Variants in ZZZ3 observed in about 807,000 individuals in gnomAD.
ZZZ3 encodes the protein ZZ-type zinc finger-containing protein 3.
A neutral mutation model predicts 95.2 loss-of-function variants in ZZZ3; 22 were observed. The observed-to-expected ratio is 0.23, with a 90% CI of 0.17 to 0.33. The LOEUF (loss-of-function observed/expected upper bound fraction) is 0.33. ZZZ3 is among the 10% of genes least tolerant of loss of function. ZZZ3 has a pLI of 1.00. For synonymous variants in ZZZ3, 335 were observed against 358.9 expected (o/e 0.93, Z 0.75); for missense variants, 885 against 1,066.5 (o/e 0.83, Z 2.37).
chr1:77,664,068 T>G (rs1031519597), intron 1 of ZZZ3, among the ~76,000 whole-genome samples: 2 of 151,674 alleles, frequency 1.3e-5, no homozygotes, highest in Non-Finnish European at 2.9e-5. Context: ...CTACTTATTC[T>G]ATCACCAAAA....
intron 10 of ZZZ3, 42 bp from the exon 11 acceptor site, chr1:77,578,911 T>A: frequency 7.7e-7 from 1 of 1,299,058 alleles, no homozygotes. Flanking sequence ...TGAGATGACA[T>A]ACAATACCTG....
chr1:77,626,006 A>AT (rs1048451415), intron 5 of ZZZ3, among the ~76,000 whole-genome samples: 10 of 152,034 alleles, frequency 6.6e-5, no homozygotes, highest in African/African-American at 2.4e-4. Flanking sequence ...CAAAAAAAAA[A>AT]GAAAAAAAAG....
chr1:77,647,525 G>GAAAAAAA (rs1206025084), intron 1 of ZZZ3, among the ~76,000 whole-genome samples: 1 of 118,198 alleles, frequency 8.5e-6, no homozygotes, highest in African/African-American at 3.1e-5. Flanking sequence ...TCTCAGGAAG[G>GAAAAAAA]AAAAAAAAAA....
chr1:77,647,001 T>C (rs1669335771), intron 1 of ZZZ3, among the ~76,000 whole-genome samples: 3 of 152,118 alleles, frequency 2.0e-5, no homozygotes, highest in South Asian at 2.1e-4. Context: ...GAGCTGAGTA[T>C]TGATCAGTAA....
intron 5 of ZZZ3, among the ~76,000 whole-genome samples, chr1:77,587,411 C>T (rs1446552864): frequency 1.3e-5 from 2 of 151,850 alleles, no homozygotes; most frequent in Non-Finnish European, 1.5e-5. Context: ...ACTACAGGCA[C>T]CCGCCACCAC....
At chr1:77,644,756 T>A (rs1287712921) in intron 1 of ZZZ3, among the ~76,000 whole-genome samples, 2 of 152,174 alleles carry the variant, frequency 1.3e-5, no homozygotes, top group African/African-American at 4.8e-5. Flanking sequence ...GACTCCCAAA[T>A]TTTAGTGTGT....
chr1:77,631,553 A>AT (rs1291345948), intron 5 of ZZZ3, among the ~76,000 whole-genome samples: 7 of 152,160 alleles, frequency 4.6e-5, no homozygotes, highest in African/African-American at 1.7e-4. Flanking sequence ...CATTGTATAA[A>AT]TTAACTAAAA....
intron 1 of ZZZ3, among the ~76,000 whole-genome samples, chr1:77,679,804 A>G (rs1408454871): frequency 6.6e-6 from 1 of 152,230 alleles, no homozygotes; most frequent in African/African-American, 2.4e-5. Flanking sequence ...AACCAAACAC[A>G]AACCATGTAA....
intron 12 of ZZZ3, among the ~76,000 whole-genome samples, chr1:77,570,157 C>T (rs1363602871): frequency 2.0e-5 from 3 of 152,196 alleles, no homozygotes; most frequent in East Asian, 3.8e-4. Flanking sequence ...GGCTGGAGCG[C>T]AGTGGCGCGA....
At chr1:77,683,114 T>C (rs1348865514), upstream of ZZZ3, 2 of 133,230 alleles carry the variant, frequency 1.5e-5, no homozygotes, top group Non-Finnish European at 3.2e-5. Flanking sequence ...GTCGCAGCCG[T>C]CGCAGTCGTC....
At chr1:77,592,483 G>A (rs981204935) in intron 5 of ZZZ3, among the ~76,000 whole-genome samples, 1 of 152,062 alleles carries the variant, frequency 6.6e-6, no homozygotes, top group African/African-American at 2.4e-5. Flanking sequence ...TGTATTTTTA[G>A]TAGAGACGGG....
chr1:77,637,001 C>T (rs1234929235), intron 4 of ZZZ3, among the ~76,000 whole-genome samples: 1 of 152,158 alleles, frequency 6.6e-6, no homozygotes, highest in Non-Finnish European at 1.5e-5. Flanking sequence ...ACCTCAGGCT[C>T]TTGCAGCTCA....
chr1:77,665,756 T>C (rs1671187740), intron 1 of ZZZ3, among the ~76,000 whole-genome samples: 1 of 152,146 alleles, frequency 6.6e-6, no homozygotes, highest in African/African-American at 2.4e-5. Flanking sequence ...TTAAAGTATT[T>C]GGGAAGCCAG....
intron 1 of ZZZ3, among the ~76,000 whole-genome samples, chr1:77,673,783 A>G (rs1359249674): frequency 2.6e-5 from 4 of 152,200 alleles, no homozygotes; most frequent in African/African-American, 9.7e-5. Context: ...GTATTTTGAA[A>G]GTAAAGTGGC....
intron 5 of ZZZ3, among the ~76,000 whole-genome samples, chr1:77,605,369 C>T (rs1665132028): frequency 6.6e-6 from 1 of 152,208 alleles, no homozygotes; most frequent in South Asian, 2.1e-4. Context: ...GCAACCCTGG[C>T]CACCTGGACT....
chr1:77,596,371 G>T (rs1664215557), intron 5 of ZZZ3, among the ~76,000 whole-genome samples: 1 of 152,076 alleles, frequency 6.6e-6, no homozygotes, highest in Admixed American at 6.6e-5. Flanking sequence ...GTTGGAGGAG[G>T]ATTGCATACA....
intron 1 of ZZZ3, among the ~76,000 whole-genome samples, chr1:77,662,237 C>T (rs1046360442): frequency 6.6e-6 from 1 of 152,036 alleles, no homozygotes; most frequent in Non-Finnish European, 1.5e-5. Context: ...TGGTCTCAAA[C>T]TCCTGACCTC....
Position 77,565,706 on chromosome 1 carries a change from GTC to G in ZZZ3, c.2644_2645del (p.Asp882LeufsTer13). On this transcript the variant is annotated frameshift_variant, in exon 15 of 15. Coordinates refer to ENST00000370801, the MANE Select transcript of ZZZ3 (RefSeq NM_015534.6). LOFTEE classifies it high-confidence loss of function. ...AACTGGTGCCCTGAGACACACAGTA[GTC>G]TCTGTCTAAGAATGTCTCTGACCTA... is the stretch of plus-strand genomic sequence containing the variant. ...IYRSETFLDR[D>X]YCVSQGTSYN... 1.2e-6 allele frequency: 2 copies of G among 1,613,694 alleles called. No homozygotes were observed. The highest frequency in any genetic ancestry group is 1.7e-6 in the Non-Finnish European group (2 of 1,179,614).
At chr1:77,565,903 C>A in intron 14 of ZZZ3, 119 bp from the exon 15 acceptor site, 1 of 1,227,234 alleles carries the variant, frequency 8.1e-7, no homozygotes, top group Non-Finnish European at 1.1e-6. Context: ...AAATCTCCAA[C>A]GGAAAGTTAC....
Sources: allele counts gnomAD v4.1 joint callset (sites outside exome capture counted in the v4.1 genomes callset), GRCh38; gene constraint gnomAD v4.1.1; transcripts MANE v1.5; gene names NCBI Gene and HGNC (gene_info 2026-07-23, HGNC 2026-07-21).